ADAMTS3: variants seen among roughly 807,000 people sequenced by gnomAD.
ADAMTS3 encodes A disintegrin and metalloproteinase with thrombospondin motifs 3.
Under a neutral mutation model 129.0 loss-of-function variants are expected in ADAMTS3, and 73 were observed. The observed-to-expected ratio is 0.57, with a 90% CI of 0.47 to 0.69. ADAMTS3 has a LOEUF of 0.69. Among genes scored for constraint, ADAMTS3 ranks in the 30% least tolerant of loss-of-function variants. The pLI, the probability that ADAMTS3 is intolerant of heterozygous loss-of-function variation, is 0.00. For missense variants in ADAMTS3, 1,457 were observed against 1,514.5 expected, an observed-to-expected ratio of 0.96 and a Z score of 0.63; for synonymous variants, 477 against 510.8, an observed-to-expected ratio of 0.93 and a Z score of 0.89.
intron 4 of ADAMTS3, among the ~76,000 whole-genome samples, chr4:72,388,005 G>C (rs1721491878): frequency 6.6e-6 from 1 of 152,164 alleles, no homozygotes; most frequent in Non-Finnish European, 1.5e-5. Flanking sequence ...GCCAATATCT[G>C]TCTTATTTGT....
chr4:72,302,855 C>T (rs1269645197), intron 17 of ADAMTS3, among the ~76,000 whole-genome samples: 1 of 152,124 alleles, frequency 6.6e-6, no homozygotes, highest in Non-Finnish European at 1.5e-5. Flanking sequence ...AAGGCAAGTG[C>T]TGTATAAATG....
intron 3 of ADAMTS3, among the ~76,000 whole-genome samples, chr4:72,507,931 A>C (rs2038070790): frequency 6.6e-6 from 1 of 152,134 alleles, no homozygotes; most frequent in Non-Finnish European, 1.5e-5. Flanking sequence ...ACTGCTTTAC[A>C]TTTATGCTGA....
intron 10 of ADAMTS3, among the ~76,000 whole-genome samples, chr4:72,318,296 T>C (rs1719453833): frequency 6.6e-6 from 1 of 152,166 alleles, no homozygotes; most frequent in Non-Finnish European, 1.5e-5. Flanking sequence ...TTCCCCTGTT[T>C]ACCAGCTGTG....
intron 3 of ADAMTS3, among the ~76,000 whole-genome samples, chr4:72,529,600 G>A (rs1720907296): frequency 1.4e-5 from 2 of 139,700 alleles, no homozygotes; most frequent in East Asian, 4.0e-4. Flanking sequence ...TGCTGTACAG[G>A]TTTGCAGCCT....
intron 4 of ADAMTS3, among the ~76,000 whole-genome samples, chr4:72,413,928 A>T (rs1722242328): frequency 1.2e-5 from 1 of 83,686 alleles, no homozygotes; most frequent in South Asian, 5.7e-4. Context: ...TATTCTGTTC[A>T]TAAATAATTT....
intron 4 of ADAMTS3, among the ~76,000 whole-genome samples, chr4:72,351,343 A>G (rs1720429928): frequency 6.6e-6 from 1 of 151,978 alleles, no homozygotes; most frequent in South Asian, 2.1e-4. Context: ...TTCAACAGCC[A>G]TTTAGCTTGC....
intron 5 of ADAMTS3, among the ~76,000 whole-genome samples, chr4:72,334,905 A>C (rs1719951207): frequency 6.6e-6 from 1 of 151,874 alleles, no homozygotes; most frequent in Non-Finnish European, 1.5e-5. Flanking sequence ...AAGATCTACA[A>C]AATAGAAAGA....
chr4:72,295,897 T>C (rs986239683), intron 18 of ADAMTS3, 111 bp from the exon 19 acceptor site: 5 of 1,353,568 alleles, frequency 3.7e-6, no homozygotes, highest in Non-Finnish European at 5.1e-6. Context: ...TAAATATGTA[T>C]TGAGTGCATA....
At chr4:72,313,539 CT>C (rs1368555516) in intron 12 of ADAMTS3, 137 bp downstream of exon 12, 8 of 812,910 alleles carry the variant, frequency 9.8e-6, no homozygotes, top group African/African-American at 3.5e-5. Context: ...AAAACACAGA[CT>C]GGTTTATGAA....
intron 4 of ADAMTS3, among the ~76,000 whole-genome samples, chr4:72,378,547 C>G (rs1429256981): frequency 1.3e-5 from 2 of 152,146 alleles, no homozygotes; most frequent in African/African-American, 4.8e-5. Context: ...ACTTGAGCTT[C>G]CATGCAAGAG....
intron 3 of ADAMTS3, among the ~76,000 whole-genome samples, chr4:72,506,908 G>T (rs1720174404): frequency 6.6e-6 from 1 of 152,080 alleles, no homozygotes; most frequent in Non-Finnish European, 1.5e-5. Context: ...TCACAGAGTT[G>T]GTCTTTATGC....
intron 3 of ADAMTS3, among the ~76,000 whole-genome samples, chr4:72,434,448 G>A (rs956937478): frequency 1.1e-4 from 17 of 151,618 alleles, no homozygotes; most frequent in Admixed American, 1.3e-4. Context: ...ATAAGGTCCC[G>A]GACCTTTAAG....
At chr4:72,382,335 T>C (rs1464212424) in intron 4 of ADAMTS3, among the ~76,000 whole-genome samples, 2 of 152,018 alleles carry the variant, frequency 1.3e-5, no homozygotes, top group African/African-American at 4.8e-5. Context: ...AATTATGTCA[T>C]ATAATTATAT....
At chr4:72,490,405 T>C (rs947142530) in intron 3 of ADAMTS3, among the ~76,000 whole-genome samples, 1 of 151,966 alleles carries the variant, frequency 6.6e-6, no homozygotes, top group Non-Finnish European at 1.5e-5. Context: ...TTTGTGATCA[T>C]ATCAAAAAAA....
chr4:72,314,676 C>T (rs1053438145), intron 11 of ADAMTS3, among the ~76,000 whole-genome samples: 1 of 152,004 alleles, frequency 6.6e-6, no homozygotes, highest in African/African-American at 2.4e-5. Flanking sequence ...TGAATTAACT[C>T]GTTATACTCT....
intron 3 of ADAMTS3, among the ~76,000 whole-genome samples, chr4:72,530,760 T>C (rs1444126186): frequency 0.032 from 132 of 4,124 alleles, 4 homozygotes; most frequent in African/African-American, 0.077. Context: ...TATTATATAT[T>C]ATATAGATTA....
intron 3 of ADAMTS3, among the ~76,000 whole-genome samples, chr4:72,480,080 C>T (rs1256441993): frequency 4.6e-5 from 7 of 152,302 alleles, no homozygotes; most frequent in African/African-American, 7.2e-5. Context: ...AATAGGAACA[C>T]TTTTACACTG....
chr4:72,386,474 CT>C (rs544432405), intron 4 of ADAMTS3, among the ~76,000 whole-genome samples: 8 of 151,960 alleles, frequency 5.3e-5, no homozygotes, highest in African/African-American at 1.2e-4. Flanking sequence ...CCTTCTCTCT[CT>C]TTTTTTTAAA....
At chr4:72,501,773 A>G (rs1720031621) in intron 3 of ADAMTS3, among the ~76,000 whole-genome samples, 1 of 140,192 alleles carries the variant, frequency 7.1e-6, no homozygotes, top group South Asian at 2.4e-4. Flanking sequence ...AAAATTTTGA[A>G]GTATATTTCT....
Sources: gnomAD v4.1 joint callset for allele counts (sites outside exome capture counted in the v4.1 genomes callset) on GRCh38, gnomAD v4.1.1 for gene constraint, MANE v1.5 for transcripts, NCBI Gene and HGNC (gene_info 2026-07-23, HGNC 2026-07-21) for gene names.